Variants in LMO7 observed in about 807,000 individuals in gnomAD.
LMO7 encodes LIM domain 7, also known as LIM domain only protein 7.
In LMO7, 120 loss-of-function variants were observed where a neutral mutation model predicts 206.5. The observed-to-expected ratio is 0.58, with a 90% CI of 0.50 to 0.68. The LOEUF (loss-of-function observed/expected upper bound fraction) is 0.68. Among genes scored for constraint, LMO7 ranks in the 30% least tolerant of loss-of-function variants. The pLI is 0.00. For synonymous variants in LMO7, 706 were observed against 681.5 expected (o/e 1.04, Z -0.56); for missense variants, 1,959 against 1,957.9 (o/e 1.00, Z -0.01).
intron 1 of LMO7, among the ~76,000 whole-genome samples, chr13:75,649,069 G>A (rs1385704830): frequency 6.6e-6 from 1 of 152,210 alleles, no homozygotes; most frequent in African/African-American, 2.4e-5. Flanking sequence ...GTGGGCATGA[G>A]CAAGGATTCG....
At chr13:75,695,556 C>G (rs9573618) in intron 1 of LMO7, among the ~76,000 whole-genome samples, 11,898 of 151,998 alleles carry the variant, frequency 0.078, 1,029 homozygotes, top group African/African-American at 0.21. Context: ...CGTGTTGGCT[C>G]AGATGGTCTT....
At chr13:75,725,533 G>T (rs935099059) in intron 2 of LMO7, among the ~76,000 whole-genome samples, 14 of 152,140 alleles carry the variant, frequency 9.2e-5, no homozygotes, top group African/African-American at 3.4e-4. Flanking sequence ...GAAATACCTT[G>T]TTAATAGGGA....
chr13:75,674,123 G>T (rs924895333), intron 1 of LMO7, among the ~76,000 whole-genome samples: 1 of 152,126 alleles, frequency 6.6e-6, no homozygotes, highest in African/African-American at 2.4e-5. Context: ...ATGACTTAAT[G>T]TCCATTTATT....
At chr13:75,738,551 A>T (rs2046150056) in intron 3 of LMO7, among the ~76,000 whole-genome samples, 1 of 152,196 alleles carries the variant, frequency 6.6e-6, no homozygotes, top group South Asian at 2.1e-4. Context: ...TTATAAAGAA[A>T]TACATGTTCT....
chr13:75,638,336 T>C (rs558481833), intron 1 of LMO7, among the ~76,000 whole-genome samples: 10 of 152,256 alleles, frequency 6.6e-5, no homozygotes, highest in African/African-American at 2.4e-4. Flanking sequence ...CTCATAATTA[T>C]GTAGGTTTTC....
intron 15 of LMO7, among the ~76,000 whole-genome samples, chr13:75,830,718 A>AATACTATCTCATT (rs1566566907): frequency 2.0e-5 from 3 of 152,216 alleles, no homozygotes; most frequent in African/African-American, 2.4e-5. Flanking sequence ...TTCATGAGAT[A>AATACTATCTCATT]GTATGTCCAA....
chr13:75,659,444 C>G (rs1439974909), intron 1 of LMO7, among the ~76,000 whole-genome samples: 20 of 152,168 alleles, frequency 1.3e-4, no homozygotes, highest in Non-Finnish European at 1.5e-5. Context: ...ATTGGACTTA[C>G]AGTTCCACAT....
intron 4 of LMO7, among the ~76,000 whole-genome samples, chr13:75,793,447 T>C (rs919295806): frequency 1.3e-5 from 2 of 152,178 alleles, no homozygotes; most frequent in Admixed American, 6.5e-5. Context: ...GGCTAATTTT[T>C]GTCCTTTCAG....
intron 1 of LMO7, among the ~76,000 whole-genome samples, chr13:75,660,800 G>C (rs150011003): frequency 2.0e-5 from 3 of 152,066 alleles, no homozygotes; most frequent in African/African-American, 7.2e-5. Flanking sequence ...TTAGAAACCC[G>C]GTCCCTTGAG....
Position 75,681,706 on chromosome 13 carries a change from G to GTGTATGTA in LMO7, c.70-31475_70-31474insGTATGTAT, listed in dbSNP as rs1259746833. Reference sequence around the variant, plus strand: ...ATGTCATGTATGTATGTATGTATGTGTATATATATATGTATATATATATAT... The same window carrying GTGTATGTA: ...ATGTCATGTATGTATGTATGTATGTGTGTATGTATATATATATATGTATATATATATAT... On this transcript the variant is annotated intron_variant, in intron 1 of 30. Coordinates refer to ENST00000377534, the MANE Select transcript of LMO7 (RefSeq NM_001306080.2). Among the ~76,000 whole-genome samples the GTGTATGTA allele has an allele frequency of 2.1e-5, 2 of 93,326 alleles. 1 individual carries two copies. Among genetic ancestry groups the GTGTATGTA allele is most frequent in the Non-Finnish European group, 4.4e-5 (2 of 45,004 alleles). The allele number at this position is 93,326 out of a possible 152,430, so 61.2% of individuals were successfully genotyped here.
intron 1 of LMO7, among the ~76,000 whole-genome samples, chr13:75,653,770 T>G (rs1411268569): frequency 1.3e-5 from 2 of 152,222 alleles, no homozygotes; most frequent in Non-Finnish European, 2.9e-5. Flanking sequence ...AATTGTTTTC[T>G]GTTATCCTAG....
At chr13:75,642,819 C>A (rs1408098621) in intron 1 of LMO7, among the ~76,000 whole-genome samples, 1 of 152,126 alleles carries the variant, frequency 6.6e-6, no homozygotes, top group Non-Finnish European at 1.5e-5. Context: ...TCTAAATGAA[C>A]AGATGAAAGA....
In LMO7 at chr13:75,636,469, AG is replaced by A. The variant is rs963387698; in HGVS notation, c.-187del. On this transcript the variant is annotated 5_prime_UTR_variant, in exon 1 of 31. Coordinates refer to ENST00000377534, the MANE Select transcript of LMO7 (RefSeq NM_001306080.2). Reference sequence around the variant, plus strand: ...GAAAGCCAGGTCTTCACGTTCGTGTAGGTTCGAGACCTTAACGAACTGCAGA... The same window carrying A: ...GAAAGCCAGGTCTTCACGTTCGTGTAGTTCGAGACCTTAACGAACTGCAGA... The A allele has an allele frequency of 1.4e-6, 2 of 1,435,386 alleles. No individual in the cohort carries two copies. Among genetic ancestry groups the A allele is most frequent in the African/African-American group, 2.9e-5 (2 of 69,244 alleles). 88.9% of individuals were successfully genotyped at this position (1,435,386 alleles called of 1,614,324 possible). A position where few individuals can be genotyped will look rare whatever the true frequency, so the allele number is the denominator to read the frequency against.
intron 3 of LMO7, among the ~76,000 whole-genome samples, chr13:75,748,360 C>T (rs188078475): frequency 5.3e-5 from 8 of 152,276 alleles, no homozygotes; most frequent in Admixed American, 1.3e-4. Flanking sequence ...AATCTCAGCT[C>T]CACAACTTAA....
chr13:75,749,795 C>G (rs1480490478), intron 3 of LMO7, among the ~76,000 whole-genome samples: 1 of 150,968 alleles, frequency 6.6e-6, no homozygotes, highest in Admixed American at 6.6e-5. Flanking sequence ...TCCTTAGTTC[C>G]TTTGTTATCA....
chr13:75,724,236 C>T (rs1439564725), intron 2 of LMO7, among the ~76,000 whole-genome samples: 2 of 152,152 alleles, frequency 1.3e-5, no homozygotes, highest in Non-Finnish European at 2.9e-5. Flanking sequence ...TGTCAGATTA[C>T]TAGGTGCTTC....
At chr13:75,685,154 G>T (rs970394945) in intron 1 of LMO7, among the ~76,000 whole-genome samples, 1 of 152,172 alleles carries the variant, frequency 6.6e-6, no homozygotes, top group East Asian at 1.9e-4. Flanking sequence ...AACATGAAAA[G>T]ATTTCACCTG....
In LMO7 at chr13:75,821,449, C is replaced by T; in HGVS notation, c.2480C>T (p.Ser827Phe). 1.2e-6 allele frequency: 2 copies of T among 1,614,206 alleles called. No individual in the cohort carries two copies. The highest frequency in any genetic ancestry group is 1.7e-6 in the Non-Finnish European group (2 of 1,180,028). ...GAACAAAGCCCAGCCTCTTTGTCTT[C>T]TCTGCGTTCACGGAGCACACAAATG... ...VEEQSPASLS[S>F]LRSRSTQMES... The change falls in exon 14 of 31, where the codon TCT becomes TTT. Residue 827 changes from serine (S) to phenylalanine (F), a missense_variant. Coordinates refer to ENST00000377534, the MANE Select transcript of LMO7 (RefSeq NM_001306080.2).
In LMO7 at chr13:75,804,675, C is replaced by T. The variant is rs548091413; in HGVS notation, c.914+134C>T. ...AAGCTTGACTAGTGAGAATATTTTT[C>T]ATCCCTCTATTTTTAGTTATACATA... On this transcript the variant is annotated intron_variant, in intron 8 of 30. Coordinates refer to ENST00000377534, the MANE Select transcript of LMO7 (RefSeq NM_001306080.2). 74 of 1,188,342 alleles carry T rather than the reference C, an allele frequency of 6.2e-5. 1 individual carries two copies. Among genetic ancestry groups the T allele is most frequent in the South Asian group, 1.5e-4 (9 of 58,554 alleles). 73.6% of individuals were successfully genotyped at this position (1,188,342 alleles called of 1,614,324 possible). A position where few individuals can be genotyped will look rare whatever the true frequency, so the allele number is the denominator to read the frequency against.
Sources: gnomAD v4.1 joint callset for allele counts (sites outside exome capture counted in the v4.1 genomes callset) on GRCh38, gnomAD v4.1.1 for gene constraint, MANE v1.5 for transcripts, NCBI Gene and HGNC (gene_info 2026-07-23, HGNC 2026-07-21) for gene names.